The following CRB1 variants were observed in gnomAD, a reference collection of about 807,000 sequenced individuals.
CRB1 encodes the protein protein crumbs homolog 1.
Under a neutral mutation model 120.0 loss-of-function variants are expected in CRB1, and 83 were observed. The ratio of observed to expected loss-of-function variants is 0.69; its 90% confidence interval spans 0.58 to 0.83. The LOEUF is 0.83. CRB1 is among the 40% of genes least tolerant of loss of function. CRB1 has a pLI of 0.00. For missense variants in CRB1, 1,699 were observed against 1,687.6 expected (o/e 1.01, Z -0.12); for synonymous variants, 625 against 612.5 (o/e 1.02, Z -0.30).
intron 5 of CRB1, among the ~76,000 whole-genome samples, chr1:197,396,860 A>G (rs1255113000): frequency 6.6e-6 from 1 of 152,176 alleles, no homozygotes; most frequent in African/African-American, 2.4e-5. Flanking sequence ...AAGAGAACAC[A>G]GAAAATATCT....
At chr1:197,405,653 C>A (rs1571487644) in intron 5 of CRB1, among the ~76,000 whole-genome samples, 2 of 151,644 alleles carry the variant, frequency 1.3e-5, no homozygotes, top group African/African-American at 2.4e-5. Flanking sequence ...CCCGGCCGCC[C>A]ATCGTCTGAG....
At chr1:197,211,293 A>G in the CRB1 span, among the ~76,000 whole-genome samples, 2 of 152,236 alleles carry the variant, frequency 1.3e-5, no homozygotes, top group South Asian at 2.1e-4. Context: ...CACCACCTCT[A>G]AAACAGACTT....
intron 1 of CRB1, among the ~76,000 whole-genome samples, chr1:197,317,816 C>A (rs141351094): frequency 6.6e-6 from 1 of 152,264 alleles, no homozygotes; most frequent in East Asian, 1.9e-4. Context: ...AAACTAGACT[C>A]CTATCTCTCA....
chr1:197,210,843 T>TCTA, the CRB1 span, among the ~76,000 whole-genome samples: 1 of 152,106 alleles, frequency 6.6e-6, no homozygotes, highest in Non-Finnish European at 1.5e-5. Context: ...AGCTACACAC[T>TCTA]CTAGAATCTC....
At chr1:197,209,898 A>G in the CRB1 span, among the ~76,000 whole-genome samples, 3 of 152,118 alleles carry the variant, frequency 2.0e-5, no homozygotes, top group Non-Finnish European at 4.4e-5. Context: ...TCCCCCTTTT[A>G]CACATTCACA....
chr1:197,411,717 A>C (rs1663722470), intron 5 of CRB1, among the ~76,000 whole-genome samples: 1 of 152,110 alleles, frequency 6.6e-6, no homozygotes, highest in South Asian at 2.1e-4. Flanking sequence ...GTAAATTATT[A>C]AGGTTTGTGT....
At chr1:197,276,102 A>C (rs1350552151) in intron 1 of CRB1, among the ~76,000 whole-genome samples, 1 of 151,798 alleles carries the variant, frequency 6.6e-6, no homozygotes, top group African/African-American at 2.4e-5. Context: ...TATATTTCCT[A>C]GTTTTTATCT....
At chr1:197,371,702 A>C (rs930388059) in intron 5 of CRB1, among the ~76,000 whole-genome samples, 1 of 151,984 alleles carries the variant, frequency 6.6e-6, no homozygotes, top group Admixed American at 6.6e-5. Context: ...CTTGCACCCA[A>C]CTCCCACAGG....
chr1:197,406,522 C>T (rs1254367980), intron 5 of CRB1, among the ~76,000 whole-genome samples: 3 of 152,052 alleles, frequency 2.0e-5, no homozygotes, highest in African/African-American at 7.3e-5. Context: ...CACTATTGTC[C>T]TGTGACCCTG....
chr1:197,239,872 T>C, the CRB1 span, among the ~76,000 whole-genome samples: 1 of 148,884 alleles, frequency 6.7e-6, no homozygotes, highest in Non-Finnish European at 1.5e-5. Flanking sequence ...TTATTGTATA[T>C]TATTTATATA....
chr1:197,452,440 G>A (rs936969451), intron 11 of CRB1, among the ~76,000 whole-genome samples: 1 of 152,144 alleles, frequency 6.6e-6, no homozygotes, highest in Non-Finnish European at 1.5e-5. Context: ...TATAGGCCTA[G>A]GATCTTAGAG....
At position 197,421,038 on chromosome 1, in the gene CRB1, A is replaced by G. The variant is rs768591090; in HGVS notation, c.1210A>G (p.Asn404Asp). ...AGAAGACGTCAATGAATGTTCTTCA[A>G]ACCCTTGCCAAAATGGTGGTACTTG... is the stretch of plus-strand genomic sequence containing the variant. ...CEEDVNECSS[N>D]PCQNGGTCEN... The change falls in exon 6 of 12, where the codon AAC becomes GAC. Residue 404 changes from asparagine (N) to aspartate (D), a missense_variant. Physicochemically the swap from Asn to Asp is conservative, Grantham distance 23. Transcript: ENST00000367400. The G allele has an allele frequency of 6.2e-7, 1 of 1,614,102 alleles. No individual in the cohort carries two copies. The highest frequency in any genetic ancestry group is 2.2e-5 in the East Asian group (1 of 44,892).
chr1:197,320,160 A>G (rs1658107089), intron 1 of CRB1, among the ~76,000 whole-genome samples: 1 of 152,256 alleles, frequency 6.6e-6, no homozygotes, highest in Non-Finnish European at 1.5e-5. Context: ...TATGCATTTC[A>G]TAGTATTCAC....
the CRB1 span, among the ~76,000 whole-genome samples, chr1:197,250,023 T>C: frequency 2.0e-5 from 3 of 152,052 alleles, no homozygotes; most frequent in African/African-American, 7.2e-5. Flanking sequence ...TTTTGCCATA[T>C]AGATTTTCTC....
At chr1:197,379,766 A>T (rs533916220) in intron 5 of CRB1, among the ~76,000 whole-genome samples, 1 of 152,192 alleles carries the variant, frequency 6.6e-6, no homozygotes, top group Non-Finnish European at 1.5e-5. Flanking sequence ...GTTTCATAAG[A>T]TGGAAGATTT....
chr1:197,232,654 G>C, the CRB1 span, among the ~76,000 whole-genome samples: 32 of 152,226 alleles, frequency 2.1e-4, no homozygotes, highest in East Asian at 5.2e-3. Flanking sequence ...TAAATTTTTG[G>C]TTTTCAAACC....
the CRB1 span, among the ~76,000 whole-genome samples, chr1:197,255,216 G>A: frequency 6.6e-6 from 1 of 151,928 alleles, no homozygotes; most frequent in African/African-American, 2.4e-5. Context: ...CCCTAGTTAG[G>A]CTACTCTGAC....
intron 5 of CRB1, among the ~76,000 whole-genome samples, chr1:197,368,442 G>T (rs964075397): frequency 6.6e-6 from 1 of 152,128 alleles, no homozygotes; most frequent in Non-Finnish European, 1.5e-5. Flanking sequence ...ATTTACGCTT[G>T]TACTCCTTTT....
the CRB1 span, among the ~76,000 whole-genome samples, chr1:197,205,666 A>G: frequency 6.0e-3 from 914 of 151,798 alleles, 9 homozygotes; most frequent in African/African-American, 0.018. Flanking sequence ...TTTGTTGAGG[A>G]TTTTTGCATC....
Sources: allele counts gnomAD v4.1 joint callset (sites outside exome capture counted in the v4.1 genomes callset), GRCh38; gene constraint gnomAD v4.1.1; transcripts MANE v1.5; gene names NCBI Gene and HGNC (gene_info 2026-07-23, HGNC 2026-07-21).